Variants in LARGE1 observed in about 807,000 individuals in gnomAD.
LARGE1 encodes the protein xylosyl- and glucuronyltransferase LARGE1.
Under a neutral mutation model 87.6 loss-of-function variants are expected in LARGE1, and 43 were observed. The ratio of observed to expected loss-of-function variants is 0.49; its 90% CI spans 0.38 to 0.63. The LOEUF is 0.63. LARGE1 is among the 30% of genes least tolerant of loss of function. The pLI is 0.00. For missense variants in LARGE1, 802 were observed against 1,000.2 expected, an observed-to-expected ratio of 0.80 and a Z score of 2.67; for synonymous variants, 434 against 394.6, an observed-to-expected ratio of 1.10 and a Z score of -1.18.
At chr22:33,373,570 C>T (rs142496449) in intron 9 of LARGE1, among the ~76,000 whole-genome samples, 203 of 152,240 alleles carry the variant, frequency 1.3e-3, no homozygotes, top group African/African-American at 4.7e-3. Context: ...TTCTGCTCTT[C>T]GTCTTTCTAC....
chr22:33,894,139 G>T (rs1419074782), intron 1 of LARGE1, among the ~76,000 whole-genome samples: 1 of 151,906 alleles, frequency 6.6e-6, no homozygotes. Flanking sequence ...TGTGCTGTTG[G>T]TCCAGGCCCT....
chr22:33,268,491 G>T (rs1021870419), downstream of LARGE1, among the ~76,000 whole-genome samples: 1 of 147,826 alleles, frequency 6.8e-6, no homozygotes, highest in Admixed American at 6.8e-5. Context: ...TGCATGGCGC[G>T]ATCTTGGCTC....
In LARGE1 at chr22:33,558,349, CA is replaced by C. The variant is rs1331111419; in HGVS notation, c.787+6498del. Among the ~76,000 whole-genome samples the C allele has an allele frequency of 5.9e-5, 9 of 152,066 alleles. No individual in the cohort carries two copies. The East Asian group carries it at 1.5e-3, about 26-fold the overall frequency. On this transcript the variant is annotated intron_variant, in intron 6 of 14. Transcript: ENST00000397394. ...GAAGGCAGGAAAGGAGATTTAAAGT[CA>C]AATAAAAAGGGGCCAATGGGACAAC...
At chr22:33,847,059 T>G (rs1266734174) in intron 1 of LARGE1, among the ~76,000 whole-genome samples, 1 of 152,224 alleles carries the variant, frequency 6.6e-6, no homozygotes, top group African/African-American at 2.4e-5. Flanking sequence ...ACTTCCTGGT[T>G]TTTGCAGCTT....
chr22:33,450,551 T>C (rs1232185409), intron 6 of LARGE1, among the ~76,000 whole-genome samples: 2 of 151,854 alleles, frequency 1.3e-5, no homozygotes, highest in Non-Finnish European at 2.9e-5. Context: ...AGGCAGAGGC[T>C]GCAGTGAGCC....
intron 2 of LARGE1, among the ~76,000 whole-genome samples, chr22:33,722,735 G>A (rs2083146078): frequency 6.6e-6 from 1 of 152,166 alleles, no homozygotes; most frequent in Non-Finnish European, 1.5e-5. Context: ...GGAAGAAACA[G>A]TGAAGAGGGA....
intron 1 of LARGE1, among the ~76,000 whole-genome samples, chr22:33,784,908 T>C (rs540918218): frequency 3.2e-4 from 40 of 124,408 alleles, no homozygotes; most frequent in Middle Eastern, 8.8e-3. Context: ...CTGTATATTA[T>C]ATGTGTGTGT....
chr22:33,819,325 T>C (rs2086751140), intron 1 of LARGE1, among the ~76,000 whole-genome samples: 2 of 152,172 alleles, frequency 1.3e-5, no homozygotes, highest in Non-Finnish European at 2.9e-5. Context: ...AAAAATGAGC[T>C]ATTCCACACA....
At chr22:33,477,984 C>T (rs961802085) in intron 6 of LARGE1, among the ~76,000 whole-genome samples, 1 of 152,188 alleles carries the variant, frequency 6.6e-6, no homozygotes, top group South Asian at 2.1e-4. Context: ...TGGAAGCCCT[C>T]CTCTAACTCA....
chr22:33,776,024 A>C (rs1245350527), intron 1 of LARGE1, among the ~76,000 whole-genome samples: 1 of 152,162 alleles, frequency 6.6e-6, no homozygotes, highest in Non-Finnish European at 1.5e-5. Context: ...TAAGGCAAGC[A>C]CTTCTTCAGA....
chr22:33,917,175 T>G (rs574631442), intron 1 of LARGE1, among the ~76,000 whole-genome samples: 54 of 152,306 alleles, frequency 3.5e-4, no homozygotes, highest in Non-Finnish European at 6.8e-4. Context: ...GTGACCAACA[T>G]CTTGGTGATA....
At chr22:33,182,439 T>C (rs66483386) in intron 11 of LARGE1, among the ~76,000 whole-genome samples, 23,228 of 152,134 alleles carry the variant, frequency 0.15, 1,880 homozygotes, top group South Asian at 0.32. Context: ...GTGTTCATGA[T>C]TGATTTTCAA....
intron 10 of LARGE1, among the ~76,000 whole-genome samples, chr22:33,331,055 T>A (rs1332210809): frequency 6.6e-6 from 1 of 152,170 alleles, no homozygotes; most frequent in African/African-American, 2.4e-5. Flanking sequence ...CTAAAGCCTA[T>A]GTGTGGAACA....
intron 2 of LARGE1, among the ~76,000 whole-genome samples, chr22:33,700,888 G>A (rs143703284): frequency 6.7e-4 from 102 of 152,342 alleles, no homozygotes; most frequent in Admixed American, 2.4e-3. Context: ...TGAGAGACCT[G>A]GAGGGACAGG....
intron 2 of LARGE1, among the ~76,000 whole-genome samples, chr22:33,670,099 T>C (rs1027865020): frequency 2.0e-5 from 3 of 152,170 alleles, no homozygotes; most frequent in African/African-American, 4.8e-5. Context: ...CCTGTTTGTT[T>C]ATTTGATTTT....
intron 11 of LARGE1, among the ~76,000 whole-genome samples, chr22:33,222,830 C>T (rs935952276): frequency 6.1e-4 from 93 of 152,284 alleles, no homozygotes; most frequent in African/African-American, 2.1e-3. Context: ...GTTACCGCAA[C>T]CCTAGGGTAC....
At chr22:33,471,415 T>TATA (rs2068836726) in intron 6 of LARGE1, among the ~76,000 whole-genome samples, 2 of 152,100 alleles carry the variant, frequency 1.3e-5, no homozygotes, top group African/African-American at 2.4e-5. Flanking sequence ...CAAAAACAAC[T>TATA]ATAATAATAA....
At chr22:33,173,663 A>AG (rs1922700664) in intron 11 of LARGE1, among the ~76,000 whole-genome samples, 1 of 147,740 alleles carries the variant, frequency 6.8e-6, no homozygotes, top group African/African-American at 2.6e-5. Context: ...GCAAATAGAA[A>AG]GAAAAAAAAA....
At chr22:33,640,926 A>G (rs186910390) in intron 3 of LARGE1, among the ~76,000 whole-genome samples, 14 of 152,290 alleles carry the variant, frequency 9.2e-5, no homozygotes, top group African/African-American at 3.4e-4. Context: ...TCAGGGGCTT[A>G]TAGATAAAAC....
Sources: gnomAD v4.1 joint callset for allele counts (sites outside exome capture counted in the v4.1 genomes callset) on GRCh38, gnomAD v4.1.1 for gene constraint, MANE v1.5 for transcripts, NCBI Gene and HGNC (gene_info 2026-07-23, HGNC 2026-07-21) for gene names.